The following TMEM108 variants were observed in gnomAD, a reference collection of about 807,000 sequenced individuals.
TMEM108 encodes transmembrane protein 108.
In TMEM108, 12 loss-of-function variants were observed where a neutral mutation model predicts 35.1. The ratio of observed to expected loss-of-function variants is 0.34; its 90% CI spans 0.22 to 0.55. TMEM108 has a LOEUF of 0.55. TMEM108 is among the 20% of genes least tolerant of loss of function. TMEM108 has a pLI of 0.89. For synonymous variants in TMEM108, 287 were observed against 308.6 expected, an observed-to-expected ratio of 0.93 and a Z score of 0.73; for missense variants, 680 against 753.3, an observed-to-expected ratio of 0.90 and a Z score of 1.14.
intron 3 of TMEM108, among the ~76,000 whole-genome samples, chr3:133,349,087 G>A (rs534066070): frequency 6.6e-6 from 1 of 152,260 alleles, no homozygotes; most frequent in South Asian, 2.1e-4. Context: ...GTGCTCTTGA[G>A]CAAAAGAAAA....
intron 3 of TMEM108, among the ~76,000 whole-genome samples, chr3:133,326,039 G>C (rs1315944670): frequency 1.3e-5 from 2 of 152,136 alleles, no homozygotes; most frequent in African/African-American, 4.8e-5. Flanking sequence ...GCTGGGTGAT[G>C]GGTTCATGAG....
In TMEM108 at chr3:133,131,376, C is replaced by T. The variant is rs76858216; in HGVS notation, c.-47+85356C>T. Among the ~76,000 whole-genome samples, 88 of 151,168 alleles carry T rather than the reference C, an allele frequency of 5.8e-4. 1 individual carries two copies. The East Asian group carries it at 0.015, about 25-fold the overall frequency. Reference sequence around the variant, plus strand: ...AGGTTTATGGCAACCCTGCATTGGGCGAGTCTATCAACACCTATTTCCAAC... The same window carrying T: ...AGGTTTATGGCAACCCTGCATTGGGTGAGTCTATCAACACCTATTTCCAAC... On this transcript the variant is annotated intron_variant, in intron 2 of 5. Transcript: ENST00000321871.
chr3:133,369,790 T>C (rs2072604771), intron 3 of TMEM108, among the ~76,000 whole-genome samples: 1 of 152,134 alleles, frequency 6.6e-6, no homozygotes, highest in Non-Finnish European at 1.5e-5. Context: ...AACCATACCC[T>C]TACTTTGCCA....
rs1363622130 is a variant in TMEM108, at chr3:133,396,917, G to C, written c.*931G>C. 3.3e-5 allele frequency: 5 copies of C among 152,148 alleles called. No homozygotes were observed. In the East Asian group the frequency reaches 9.6e-4, roughly 29 times the overall value. 9.4% of individuals were successfully genotyped at this position (152,148 alleles called of 1,614,324 possible). On this transcript the variant is annotated 3_prime_UTR_variant, in exon 6 of 6. Transcript: ENST00000321871. The stretch of plus-strand genomic sequence containing the variant: ...TGTTTATCTAAGAAGCTTTGAGGTA[G>C]TAGAGCGATAATTTTTGAAACCTTC...
intron 3 of TMEM108, among the ~76,000 whole-genome samples, chr3:133,234,349 C>T (rs1211085221): frequency 1.3e-5 from 2 of 152,110 alleles, no homozygotes; most frequent in African/African-American, 4.8e-5. Flanking sequence ...CAAAAATCCT[C>T]AATAAAATAC....
chr3:133,112,498 T>A (rs1015320764), intron 2 of TMEM108, among the ~76,000 whole-genome samples: 1 of 152,228 alleles, frequency 6.6e-6, no homozygotes, highest in African/African-American at 2.4e-5. Context: ...AACTTTCTGA[T>A]GTTTAATAAC....
intron 3 of TMEM108, among the ~76,000 whole-genome samples, chr3:133,261,913 T>C (rs559359049): frequency 6.6e-6 from 1 of 152,360 alleles, no homozygotes; most frequent in African/African-American, 2.4e-5. Context: ...GGTTCAGTTG[T>C]CAGCTACTTC....
intron 2 of TMEM108, among the ~76,000 whole-genome samples, chr3:133,073,583 T>A (rs2107691423): frequency 6.7e-6 from 1 of 148,756 alleles, no homozygotes; most frequent in Admixed American, 6.8e-5. Flanking sequence ...TAAGTTGATC[T>A]CATATCTTGG....
chr3:133,375,953 C>T (rs78503522), intron 3 of TMEM108, among the ~76,000 whole-genome samples: 3,656 of 152,192 alleles, frequency 0.024, 78 homozygotes, highest in Middle Eastern at 0.037. Flanking sequence ...CCCTTGGCAC[C>T]CACGGTGGCA....
chr3:133,195,464 C>A (rs1255666503), intron 2 of TMEM108, among the ~76,000 whole-genome samples: 1 of 152,084 alleles, frequency 6.6e-6, no homozygotes, highest in Non-Finnish European at 1.5e-5. Context: ...GTGGGTTTCC[C>A]TCTAGTCATC....
At chr3:133,244,810 A>C (rs1412208636) in intron 3 of TMEM108, among the ~76,000 whole-genome samples, 1 of 152,244 alleles carries the variant, frequency 6.6e-6, no homozygotes, top group African/African-American at 2.4e-5. Context: ...AAAGAAGGGC[A>C]GTCTCTGTGC....
At chr3:133,040,216 T>TG (rs1170022661) in intron 1 of TMEM108, among the ~76,000 whole-genome samples, 1 of 150,436 alleles carries the variant, frequency 6.6e-6, no homozygotes, top group South Asian at 2.1e-4. Context: ...GTTTTTTTTT[T>TG]TTTTTGAGAC....
chr3:133,369,782 C>T (rs933603307), intron 3 of TMEM108, among the ~76,000 whole-genome samples: 2 of 152,102 alleles, frequency 1.3e-5, no homozygotes, highest in Non-Finnish European at 2.9e-5. Flanking sequence ...ATCTCAGCAA[C>T]CATACCCTTA....
At chr3:133,321,471 A>G (rs978036270) in intron 3 of TMEM108, among the ~76,000 whole-genome samples, 1 of 152,200 alleles carries the variant, frequency 6.6e-6, no homozygotes, top group Admixed American at 6.5e-5. Flanking sequence ...AAATATCACA[A>G]TCCTAAATAT....
chr3:133,266,058 A>G (rs1193488142), intron 3 of TMEM108, among the ~76,000 whole-genome samples: 1 of 152,216 alleles, frequency 6.6e-6, no homozygotes, highest in Non-Finnish European at 1.5e-5. Flanking sequence ...TAATATATTC[A>G]GATCTCTTTT....
At chr3:133,079,886 C>A (rs1188769696) in intron 2 of TMEM108, among the ~76,000 whole-genome samples, 1 of 152,104 alleles carries the variant, frequency 6.6e-6, no homozygotes, top group African/African-American at 2.4e-5. Flanking sequence ...CAAGGCAGGG[C>A]CTCATCATGT....
Position 133,229,322 on chromosome 3 carries a change from G to C in TMEM108, c.11G>C (p.Ser4Thr). 6.2e-7 allele frequency: 1 copy of C among 1,613,326 alleles called. No individual in the cohort carries two copies. Among genetic ancestry groups the C allele is most frequent in the Non-Finnish European group, 8.5e-7 (1 of 1,179,652 alleles). ...GGACCAGATGATACCATGAAGAGAA[G>C]TTTACAGGCCCTCTATTGCCAACTG... MKRSLQALYCQLLS... is the reference protein window; with the variant it reads MKRTLQALYCQLLS... Residue 4 changes from serine (S) to threonine (T), a missense_variant, in exon 3 of 6, where the codon AGT becomes ACT. Ser to Thr is a moderately conservative substitution (Grantham distance 58). This residue lies in a region of TMEM108 where 49 missense variants were observed against 70.6 expected (regional missense o/e 0.69). Coordinates refer to ENST00000321871, the MANE Select transcript of TMEM108 (RefSeq NM_023943.4).
intron 2 of TMEM108, among the ~76,000 whole-genome samples, chr3:133,069,409 C>T (rs1048889368): frequency 2.0e-5 from 3 of 152,118 alleles, no homozygotes; most frequent in African/African-American, 7.2e-5. Context: ...AATAAGGGCA[C>T]TTACTTTACT....
At chr3:133,276,632 G>A (rs1385113730) in intron 3 of TMEM108, among the ~76,000 whole-genome samples, 11 of 152,172 alleles carry the variant, frequency 7.2e-5, no homozygotes, top group East Asian at 1.9e-4. Context: ...AAAGAAAACC[G>A]AAGAGAGTAA....
Sources: gnomAD v4.1 joint callset for allele counts (sites outside exome capture counted in the v4.1 genomes callset) on GRCh38, gnomAD v4.1.1 for gene constraint, gnomAD v4.1.1 regional missense constraint, MANE v1.5 for transcripts, NCBI Gene and HGNC (gene_info 2026-07-23, HGNC 2026-07-21) for gene names.